PRKAG2: variants seen among roughly 807,000 people sequenced by gnomAD.
PRKAG2 encodes the protein protein kinase AMP-activated non-catalytic subunit gamma 2.
PRKAG2 carries 26 observed loss-of-function variants against 69.6 expected under a neutral mutation model. The ratio of observed to expected loss-of-function variants is 0.37; its 90% confidence interval spans 0.27 to 0.52. The LOEUF (loss-of-function observed/expected upper bound fraction) is 0.52, where lower values mean the gene tolerates loss of function less well. PRKAG2 is among the 20% of genes least tolerant of loss of function. The pLI is 0.90. For synonymous variants in PRKAG2, 293 were observed against 285.0 expected, an observed-to-expected ratio of 1.03 and a Z score of -0.28; for missense variants, 557 against 740.0, an observed-to-expected ratio of 0.75 and a Z score of 2.87.
chr7:151,564,417 C>A, intron 13 of PRKAG2, 193 bp from the exon 14 acceptor site: 1 of 578,604 alleles, frequency 1.7e-6, no homozygotes, highest in Non-Finnish European at 3.1e-6. Context: ...ATATCAATCA[C>A]AATTAAAGAT....
intron 1 of PRKAG2, among the ~76,000 whole-genome samples, chr7:151,799,809 CTG>C (rs1373582790): frequency 1.3e-5 from 2 of 152,232 alleles, no homozygotes; most frequent in African/African-American, 4.8e-5. Flanking sequence ...CAGGGCCACG[CTG>C]CAGGCAGCTA....
At chr7:151,829,046 C>A (rs142587250) in intron 1 of PRKAG2, among the ~76,000 whole-genome samples, 132 of 152,322 alleles carry the variant, frequency 8.7e-4, no homozygotes, top group African/African-American at 2.9e-3. Flanking sequence ...AGCAACTGGA[C>A]CTCATCAAAA....
chr7:151,618,289 C>T (rs982728006), intron 5 of PRKAG2, among the ~76,000 whole-genome samples: 1 of 151,808 alleles, frequency 6.6e-6, no homozygotes, highest in Non-Finnish European at 1.5e-5. Context: ...CCCATCTCTA[C>T]TAAAAGTACA....
chr7:151,856,148 G>T (rs1044989851), intron 1 of PRKAG2, among the ~76,000 whole-genome samples: 1 of 152,210 alleles, frequency 6.6e-6, no homozygotes, highest in African/African-American at 2.4e-5. Flanking sequence ...CCTACATAGG[G>T]TATCATTTAA....
chr7:151,772,996 A>T (rs148101833), intron 3 of PRKAG2, among the ~76,000 whole-genome samples: 677 of 13,072 alleles, frequency 0.052, 18 homozygotes, highest in African/African-American at 0.24. Context: ...AAAGAAAGAA[A>T]GAAAGAAAGA....
chr7:151,734,047 T>C (rs140338635), intron 3 of PRKAG2, among the ~76,000 whole-genome samples: 94 of 152,168 alleles, frequency 6.2e-4, no homozygotes, highest in African/African-American at 2.2e-3. Context: ...TAGCTGGAAC[T>C]CTACTCGATT....
intron 3 of PRKAG2, among the ~76,000 whole-genome samples, chr7:151,779,215 G>C (rs2076550384): frequency 6.6e-6 from 1 of 152,216 alleles, no homozygotes; most frequent in South Asian, 2.1e-4. Flanking sequence ...TCCAGACCCA[G>C]TTTCTAAAAG....
rs187009030 is a variant in PRKAG2 at position 151,653,768 on chromosome 7, G to C, written c.685-21630C>G. Among the ~76,000 whole-genome samples the C allele has an allele frequency of 2.7e-3, 410 of 152,306 alleles. 8 individuals are homozygous for C. The highest frequency in any genetic ancestry group is 5.0e-4 in the Non-Finnish European group (34 of 68,032). On this transcript the variant is annotated intron_variant, in intron 4 of 15. Transcript: ENST00000287878. ...GAGGCAGGAGAATCACTTGAACCCTGGAGCTGGAGGTTGCAGTGAGCTGAG... is the reference window on the plus strand; with the variant it reads ...GAGGCAGGAGAATCACTTGAACCCTCGAGCTGGAGGTTGCAGTGAGCTGAG...
Position 151,614,653 on chromosome 7 carries a change from G to A in PRKAG2, c.754+17416C>T, listed in dbSNP as rs1258787817. Among the ~76,000 whole-genome samples the A allele has an allele frequency of 6.6e-6, 1 of 152,024 alleles. No homozygotes were observed. The highest frequency in any genetic ancestry group is 1.5e-5 in the Non-Finnish European group (1 of 68,018). On this transcript the variant is annotated intron_variant, in intron 5 of 15. Coordinates refer to ENST00000287878, the MANE Select transcript of PRKAG2 (RefSeq NM_016203.4). The surrounding 1 kb of genome is among the most constrained non-coding windows in gnomAD (Gnocchi z 4.4). ...ACTCCACTCCACTGCCTTTCTTTCAGAGCAAACAGCTCGCAGTGATGATCT... is the reference window on the plus strand; with the variant it reads ...ACTCCACTCCACTGCCTTTCTTTCAAAGCAAACAGCTCGCAGTGATGATCT...
chr7:151,625,593 G>A (rs1418234418), intron 5 of PRKAG2, among the ~76,000 whole-genome samples: 1 of 152,190 alleles, frequency 6.6e-6, no homozygotes, highest in Non-Finnish European at 1.5e-5. Flanking sequence ...CTTGGCTGCT[G>A]GAACGGTCCA....
chr7:151,876,951 T>C lies in PRKAG2; in HGVS notation c.-331A>G. ...TTCCTTTTGCAAAGCTAAGAAACAT[T>C]TTCCACCCTCTCGGCTCCTCCCACA... On this transcript the variant is annotated 5_prime_UTR_variant, in exon 1 of 16. Coordinates refer to ENST00000287878, the MANE Select transcript of PRKAG2 (RefSeq NM_016203.4). 4.8e-6 allele frequency: 2 copies of C among 419,504 alleles called. No individual in the cohort carries two copies. Among genetic ancestry groups the C allele is most frequent in the South Asian group, 4.6e-5 (2 of 43,700 alleles). 26.0% of individuals were successfully genotyped at this position (419,504 alleles called of 1,614,324 possible). A position where few individuals can be genotyped will look rare whatever the true frequency, so the allele number is the denominator to read the frequency against.
intron 4 of PRKAG2, among the ~76,000 whole-genome samples, chr7:151,670,895 C>T (rs1442968564): frequency 7.3e-5 from 6 of 81,654 alleles, no homozygotes; most frequent in South Asian, 3.9e-4. Context: ...CTGTTGGCCG[C>T]GCGTGGTTGG....
rs1203840559 is a variant in PRKAG2 at position 151,814,338 on chromosome 7, C to T, written c.115-27797G>A. 1.1e-5 allele frequency: 11 copies of T among 1,014,468 alleles called. No individual in the cohort carries two copies. Among genetic ancestry groups the T allele is most frequent in the Admixed American group, 9.3e-5 (2 of 21,620 alleles). The allele number at this position is 1,014,468 out of a possible 1,614,324, so 62.8% of individuals were successfully genotyped here. ...CTTACACACCAAGGAGACAAAGCAT[C>T]GTGAGGGGGAAAACCGCACACCCAG... On this transcript the variant is annotated intron_variant, in intron 1 of 15. Coordinates refer to ENST00000287878, the MANE Select transcript of PRKAG2 (RefSeq NM_016203.4). This position sits in a 1 kb window ranked among gnomAD's most constrained non-coding sequence, Gnocchi z 4.8.
intron 4 of PRKAG2, chr7:151,675,131 G>A (rs571014363): frequency 1.8e-5 from 7 of 395,470 alleles, no homozygotes; most frequent in Non-Finnish European, 2.4e-5. Flanking sequence ...ATGTTGGCCA[G>A]GCTGGTCTCG....
Position 151,786,504 on chromosome 7 carries a change from T to G in PRKAG2, c.152A>C (p.Asp51Ala). The G allele has an allele frequency of 1.2e-6, 2 of 1,612,994 alleles. No homozygotes were observed. Among genetic ancestry groups the G allele is most frequent in the Non-Finnish European group, 1.7e-6 (2 of 1,179,664 alleles). The change falls in exon 2 of 16, where the codon GAC becomes GCC. Residue 51 changes from aspartate (D) to alanine (A), a missense_variant. By Grantham distance (126) the Asp-to-Ala change is moderately radical. This residue lies in a region of PRKAG2 where 352 missense variants were observed against 356.7 expected (regional missense o/e 0.99). Transcript: ENST00000287878. ...GGAATGCTTTCCGGAACCCTCCAGGTCTCCGTCCAGGAGCGGCATGGCGAA... is the reference window on the plus strand; with the variant it reads ...GGAATGCTTTCCGGAACCCTCCAGGGCTCCGTCCAGGAGCGGCATGGCGAA... ...SSFAMPLLDG[D>A]LEGSGKHSSR...
rs1373833496 is a variant in PRKAG2 at position 151,777,248 on chromosome 7, C to G, written c.466+3904G>C. ...CATGTGGACACCAGCAGAGTCATCC[C>G]CAGGCCTGTGCCTGCGTTCCCTCAC... On this transcript the variant is annotated intron_variant, in intron 3 of 15. Transcript: ENST00000287878. The surrounding 1 kb of genome is among the most constrained non-coding windows in gnomAD (Gnocchi z 4.3). Among the ~76,000 whole-genome samples, 3 of 152,228 alleles carry G rather than the reference C, an allele frequency of 2.0e-5. No individual in the cohort carries two copies. The highest frequency in any genetic ancestry group is 4.4e-5 in the Non-Finnish European group (3 of 68,032).
rs559355712 is a variant in PRKAG2 at position 151,734,520 on chromosome 7, C to A, written c.466+46632G>T. On this transcript the variant is annotated intron_variant, in intron 3 of 15. Coordinates refer to ENST00000287878, the MANE Select transcript of PRKAG2 (RefSeq NM_016203.4). Reference sequence around the variant, plus strand: ...GTGGGCTCTTCAGGAATAACCTATGCCATGCAAGCAGTAACGCTGGCAATG... The same window carrying A: ...GTGGGCTCTTCAGGAATAACCTATGACATGCAAGCAGTAACGCTGGCAATG... Among the ~76,000 whole-genome samples, 8 of 152,244 alleles carry A rather than the reference C, an allele frequency of 5.3e-5. 1 individual carries two copies. In the South Asian group the frequency reaches 1.7e-3, roughly 32 times the overall value.
At chr7:151,834,752 G>A (rs1397327666) in intron 1 of PRKAG2, among the ~76,000 whole-genome samples, 1 of 152,192 alleles carries the variant, frequency 6.6e-6, no homozygotes, top group Non-Finnish European at 1.5e-5. Context: ...GCGCAGTGCC[G>A]CCCCTCCCCA....
In PRKAG2 at chr7:151,781,574, A is replaced by G; in HGVS notation, c.187-143T>C. On this transcript the variant is annotated intron_variant, in intron 2 of 15. Coordinates refer to ENST00000287878, the MANE Select transcript of PRKAG2 (RefSeq NM_016203.4). The surrounding 1 kb of genome is among the most constrained non-coding windows in gnomAD (Gnocchi z 6.1). Reference sequence around the variant, plus strand: ...CAGAGAAACAGCCCTAAGCTCTTCCACAGAGGTAGCCACTGAATGGTCTGC... The same window carrying G: ...CAGAGAAACAGCCCTAAGCTCTTCCGCAGAGGTAGCCACTGAATGGTCTGC... 9.1e-7 allele frequency: 1 copy of G among 1,093,718 alleles called. No individual in the cohort carries two copies. Among genetic ancestry groups the G allele is most frequent in the Non-Finnish European group, 1.3e-6 (1 of 759,312 alleles). 67.8% of individuals were successfully genotyped at this position (1,093,718 alleles called of 1,614,324 possible).
Sources: gnomAD v4.1 joint callset for allele counts (sites outside exome capture counted in the v4.1 genomes callset) on GRCh38, gnomAD v4.1.1 for gene constraint, gnomAD v4.1.1 regional missense constraint, Gnocchi (gnomAD v3.1) non-coding constraint, MANE v1.5 for transcripts, NCBI Gene and HGNC (gene_info 2026-07-23, HGNC 2026-07-21) for gene names.